The following VWA8 variants were observed in gnomAD, a reference collection of about 807,000 sequenced individuals.
VWA8 encodes the protein von Willebrand factor A domain-containing protein 8.
In VWA8, 221 loss-of-function variants were observed where a neutral mutation model predicts 241.5. That is an observed-to-expected ratio of 0.91 (90% CI 0.82 to 1.02). VWA8 has a LOEUF of 1.02. Among genes scored for constraint, VWA8 ranks in the 50% least tolerant of loss-of-function variants. VWA8 has a pLI of 0.00. For missense variants in VWA8, 2,322 were observed against 2,328.7 expected, an observed-to-expected ratio of 1.00 and a Z score of 0.06; for synonymous variants, 852 against 827.1, an observed-to-expected ratio of 1.03 and a Z score of -0.52.
At chr13:41,891,627 A>G in intron 4 of VWA8, 40 bp from the exon 5 acceptor site, 1 of 1,608,106 alleles carries the variant, frequency 6.2e-7, no homozygotes, top group Non-Finnish European at 8.5e-7. Context: ...AGAATACTGA[A>G]GTTGCAGAGC....
At chr13:41,619,359 G>A (rs1566390101) in intron 37 of VWA8, among the ~76,000 whole-genome samples, 5 of 152,184 alleles carry the variant, frequency 3.3e-5, no homozygotes, top group East Asian at 1.9e-4. Context: ...TCAGCTTAAG[G>A]AGATTTTGGG....
intron 29 of VWA8, among the ~76,000 whole-genome samples, chr13:41,698,183 C>T (rs11147857): frequency 0.34 from 50,866 of 151,740 alleles, 9,617 homozygotes; most frequent in Non-Finnish European, 0.43. Flanking sequence ...AGAATGTAAG[C>T]TTTTGAGAAC....
At position 41,823,315 on chromosome 13, in the gene VWA8, C is replaced by G. The variant is rs1871041340; in HGVS notation, c.1701-3929G>C. Reference sequence around the variant, plus strand: ...AGATTGAGAGATTATAAACTGTTTTCAGTGTTCAATAGCAACAAATATAAA... The same window carrying G: ...AGATTGAGAGATTATAAACTGTTTTGAGTGTTCAATAGCAACAAATATAAA... On this transcript the variant is annotated intron_variant, in intron 14 of 44. Coordinates refer to ENST00000379310, the MANE Select transcript of VWA8 (RefSeq NM_015058.2). Among the ~76,000 whole-genome samples the G allele has an allele frequency of 3.3e-5, 5 of 152,042 alleles. No homozygotes were observed. The South Asian group carries it at 1.0e-3, about 31-fold the overall frequency.
At chr13:41,812,468 G>A (rs1013912822) in intron 16 of VWA8, among the ~76,000 whole-genome samples, 4 of 152,002 alleles carry the variant, frequency 2.6e-5, no homozygotes, top group African/African-American at 9.7e-5. Context: ...GCAGTAAAGT[G>A]GCCCTGAGAA....
chr13:41,956,677 T>C (rs1163846272), intron 1 of VWA8, among the ~76,000 whole-genome samples: 9 of 152,228 alleles, frequency 5.9e-5, no homozygotes, highest in Admixed American at 5.9e-4. Flanking sequence ...TATTTCTATC[T>C]AATCCTATTG....
intron 9 of VWA8, among the ~76,000 whole-genome samples, chr13:41,881,469 T>C (rs1419167809): frequency 4.5e-5 from 6 of 133,558 alleles, no homozygotes; most frequent in Non-Finnish European, 9.5e-5. Flanking sequence ...TACCTCTTTC[T>C]ACACAGACAC....
intron 42 of VWA8, among the ~76,000 whole-genome samples, chr13:41,584,127 G>A (rs1014685160): frequency 6.6e-6 from 1 of 152,178 alleles, no homozygotes; most frequent in African/African-American, 2.4e-5. Context: ...GAACCTAAGT[G>A]AGGGCACATG....
chr13:41,587,809 T>C, intron 41 of VWA8, 139 bp from the exon 42 acceptor site: 1 of 996,222 alleles, frequency 1.0e-6, no homozygotes, highest in Non-Finnish European at 1.4e-6. Context: ...TGCACAAGGC[T>C]GTCCTAGCAG....
chr13:41,865,771 A>C lies in VWA8; in HGVS notation c.1390T>G (p.Leu464Val). The change falls in exon 12 of 45, where the codon TTA becomes GTA. Residue 464 changes from leucine (L) to valine (V), a missense_variant. Leu to Val is a conservative substitution (Grantham distance 32). Coordinates refer to ENST00000379310, the MANE Select transcript of VWA8 (RefSeq NM_015058.2). ...ATAATAGGTTCTATGTTGTATCCTA[A>C]GGTATCGGCAAAGTTCTTAGCGATC... ...TVIAKNFADT[L>V]GYNIEPIMLY... 1 of 1,614,192 alleles carries C rather than the reference A, an allele frequency of 6.2e-7. No individual in the cohort carries two copies. The highest frequency in any genetic ancestry group is 8.5e-7 in the Non-Finnish European group (1 of 1,180,042).
At chr13:41,603,279 T>C (rs1305325282) in intron 40 of VWA8, among the ~76,000 whole-genome samples, 5 of 152,168 alleles carry the variant, frequency 3.3e-5, no homozygotes, top group Admixed American at 3.3e-4. Context: ...TGGTGATTAG[T>C]GGAAGAGCCA....
chr13:41,570,783 AC>A, intron 43 of VWA8, 77 bp from the exon 44 acceptor site: 1 of 1,315,398 alleles, frequency 7.6e-7, no homozygotes, highest in Non-Finnish European at 1.1e-6. Context: ...TTTTCTATTG[AC>A]CATGAGCATG....
intron 20 of VWA8, among the ~76,000 whole-genome samples, chr13:41,761,654 A>G (rs959054621): frequency 6.6e-6 from 1 of 151,940 alleles, no homozygotes; most frequent in African/African-American, 2.4e-5. Flanking sequence ...TATTTTTTCT[A>G]TTTGAATCAA....
At chr13:41,834,592 T>TG (rs1313894791) in intron 12 of VWA8, among the ~76,000 whole-genome samples, 2 of 152,170 alleles carry the variant, frequency 1.3e-5, no homozygotes, top group Non-Finnish European at 2.9e-5. Context: ...TAACAGATGC[T>TG]GGCAAGGTTC....
chr13:41,646,594 T>TA (rs1288729470), intron 37 of VWA8, among the ~76,000 whole-genome samples: 2 of 152,356 alleles, frequency 1.3e-5, no homozygotes, highest in East Asian at 1.9e-4. Flanking sequence ...ATTTTTTTTT[T>TA]ACTACATTAC....
chr13:41,598,855 T>C (rs1182707771), intron 40 of VWA8, among the ~76,000 whole-genome samples: 3 of 152,030 alleles, frequency 2.0e-5, no homozygotes, highest in Non-Finnish European at 4.4e-5. Flanking sequence ...TTTGAAATGT[T>C]AAAATTCCAT....
At chr13:41,906,793 A>T (rs1875741539) in intron 4 of VWA8, among the ~76,000 whole-genome samples, 1 of 152,160 alleles carries the variant, frequency 6.6e-6, no homozygotes, top group Admixed American at 6.5e-5. Context: ...AAATTGCATT[A>T]ATTTCTGCTG....
chr13:41,879,233 G>A (rs1285850996), intron 9 of VWA8, among the ~76,000 whole-genome samples: 2 of 152,064 alleles, frequency 1.3e-5, no homozygotes, highest in Non-Finnish European at 2.9e-5. Context: ...TATATTGTCA[G>A]AAGATGGTAA....
chr13:41,645,518 G>C (rs1291688362), intron 37 of VWA8, among the ~76,000 whole-genome samples: 1 of 152,120 alleles, frequency 6.6e-6, no homozygotes. Flanking sequence ...TCAGTGTTCT[G>C]CCCAGATTGC....
intron 28 of VWA8, among the ~76,000 whole-genome samples, chr13:41,699,840 C>A (rs1819375123): frequency 6.6e-6 from 1 of 152,104 alleles, no homozygotes; most frequent in South Asian, 2.1e-4. Context: ...GTACCTAAGT[C>A]CATTTCCTTC....
Sources: gnomAD v4.1 joint callset for allele counts (sites outside exome capture counted in the v4.1 genomes callset) on GRCh38, gnomAD v4.1.1 for gene constraint, MANE v1.5 for transcripts, NCBI Gene and HGNC (gene_info 2026-07-23, HGNC 2026-07-21) for gene names.